CUL5: variants seen among roughly 807,000 people sequenced by gnomAD.
CUL5 encodes the protein cullin 5.
CUL5 carries 26 observed loss-of-function variants against 108.8 expected under a neutral mutation model. The ratio of observed to expected loss-of-function variants is 0.24; its 90% CI spans 0.18 to 0.33. The LOEUF is 0.33. Ranked by LOEUF, CUL5 falls within the 10% of genes least tolerant of loss-of-function variation. The pLI is 1.00. For synonymous variants in CUL5, 334 were observed against 298.0 expected (o/e 1.12, Z -1.25); for missense variants, 524 against 909.2 (o/e 0.58, Z 5.45).
intron 11 of CUL5, among the ~76,000 whole-genome samples, chr11:108,085,341 G>C (rs116378290): frequency 2.8e-4 from 42 of 152,096 alleles, no homozygotes; most frequent in African/African-American, 1.0e-3. Flanking sequence ...GACAAATTTT[G>C]CATGAATATG....
chr11:108,025,930 G>A (rs796689841), intron 1 of CUL5, among the ~76,000 whole-genome samples: 21 of 152,216 alleles, frequency 1.4e-4, no homozygotes, highest in African/African-American at 3.9e-4. Context: ...CATTTGTAGC[G>A]CTCACCTCAT....
intron 2 of CUL5, among the ~76,000 whole-genome samples, chr11:108,036,345 C>T (rs1862743108): frequency 6.6e-6 from 1 of 152,202 alleles, no homozygotes; most frequent in South Asian, 2.1e-4. Context: ...CTAACTCTTC[C>T]TGATTGGGAC....
intron 9 of CUL5, 71 bp downstream of exon 9, chr11:108,072,533 TAGTG>T (rs113786799): frequency 0.076 from 102,955 of 1,352,640 alleles, 4,369 homozygotes; most frequent in African/African-American, 0.096. Flanking sequence ...TTATTGAAAA[TAGTG>T]AGCGGTTACC....
chr11:108,041,958 G>A (rs1862928804), intron 2 of CUL5, among the ~76,000 whole-genome samples: 1 of 152,100 alleles, frequency 6.6e-6, no homozygotes, highest in South Asian at 2.1e-4. Flanking sequence ...CACATAGTAA[G>A]CAGTTAATAC....
chr11:108,054,094 C>T (rs2135138432), intron 5 of CUL5, among the ~76,000 whole-genome samples: 1 of 152,292 alleles, frequency 6.6e-6, no homozygotes, highest in Non-Finnish European at 1.5e-5. Context: ...AATCTGCCCA[C>T]CTTGGCCTCC....
chr11:108,091,015 C>A (rs1037073265), intron 13 of CUL5, among the ~76,000 whole-genome samples: 1 of 152,056 alleles, frequency 6.6e-6, no homozygotes, highest in Admixed American at 6.6e-5. Context: ...ATATTTACTA[C>A]GAGAAACCTT....
rs565322203 is a variant in CUL5 at position 108,013,506 on chromosome 11, T to A, written c.24+4134T>A. 2.0e-5 allele frequency among the ~76,000 whole-genome samples: 3 copies of A among 152,288 alleles called. No individual in the cohort carries two copies. The South Asian group carries it at 6.2e-4, about 32-fold the overall frequency. ...CTCTTGTCTCTCTCTCTCATACATG[T>A]GTGCGTACACACTCCTACTTAGCTG... On this transcript the variant is annotated intron_variant, in intron 1 of 18. Coordinates refer to ENST00000393094, the MANE Select transcript of CUL5 (RefSeq NM_003478.6).
At chr11:108,022,901 T>C (rs1158283847) in intron 1 of CUL5, among the ~76,000 whole-genome samples, 1 of 152,158 alleles carries the variant, frequency 6.6e-6, no homozygotes, top group Non-Finnish European at 1.5e-5. Context: ...TTATGGACTT[T>C]TTAGTTCTTT....
chr11:108,094,588 T>G, intron 14 of CUL5, 74 bp downstream of exon 14: 3 of 982,694 alleles, frequency 3.1e-6, no homozygotes, highest in Admixed American at 3.2e-5. Context: ...AAATTAAAAA[T>G]AAACCTCAGC....
At chr11:108,052,546 G>A in intron 4 of CUL5, 114 bp from the exon 5 acceptor site, 1 of 908,474 alleles carries the variant, frequency 1.1e-6, no homozygotes, top group East Asian at 2.6e-5. Flanking sequence ...ACAGGCGTGA[G>A]CCACTGCACC....
chr11:108,015,699 T>C (rs1432431886), intron 1 of CUL5, among the ~76,000 whole-genome samples: 1 of 152,218 alleles, frequency 6.6e-6, no homozygotes, highest in Non-Finnish European at 1.5e-5. Flanking sequence ...AACTTTGTGA[T>C]ACATGTAAAT....
intron 1 of CUL5, among the ~76,000 whole-genome samples, chr11:108,018,623 C>T (rs1249247700): frequency 4.0e-5 from 6 of 151,854 alleles, no homozygotes; most frequent in East Asian, 1.9e-4. Context: ...TGCAGGGAGC[C>T]GAGATCACGC....
At chr11:108,016,200 C>CA (rs1862183616) in intron 1 of CUL5, among the ~76,000 whole-genome samples, 1 of 152,098 alleles carries the variant, frequency 6.6e-6, no homozygotes, top group South Asian at 2.1e-4. Flanking sequence ...CAGGAATGAG[C>CA]AAAAGAGCTA....
Position 108,098,516 on chromosome 11 carries a change from T to C in CUL5, c.2135T>C (p.Ile712Thr). 1.9e-6 allele frequency: 3 copies of C among 1,568,636 alleles called. No homozygotes were observed. The highest frequency in any genetic ancestry group is 2.6e-6 in the Non-Finnish European group (3 of 1,159,932). Residue 712 changes from isoleucine to threonine, a missense_variant, in exon 18 of 19, where the codon ATA becomes ACA. Ile to Thr is a moderately conservative substitution (Grantham distance 89). Coordinates refer to ENST00000393094, the MANE Select transcript of CUL5 (RefSeq NM_003478.6). ...AATGAAGGAATAGTTCAACTACGAA[T>C]ACTAAGAACCCAGGTTTGTAATGTT... ...EENEGIVQLR[I>T]LRTQEAIIQI...
At position 108,042,848 on chromosome 11, in the gene CUL5, C is replaced by T. The variant is rs117373213; in HGVS notation, c.135-3422C>T. The stretch of plus-strand genomic sequence containing the variant: ...TGCAGTCTTCGCTCACTGCAACCTC[C>T]GCTTCCAGGGTTCAAGCGATTCCCT... On this transcript the variant is annotated intron_variant, in intron 2 of 18. Coordinates refer to ENST00000393094, the MANE Select transcript of CUL5 (RefSeq NM_003478.6). 1.1e-3 allele frequency among the ~76,000 whole-genome samples: 166 copies of T among 152,074 alleles called. No individual in the cohort carries two copies. In the East Asian group the frequency reaches 0.011, roughly 10 times the overall value.
intron 1 of CUL5, among the ~76,000 whole-genome samples, chr11:108,024,836 A>T (rs1862417608): frequency 6.6e-6 from 1 of 152,192 alleles, no homozygotes; most frequent in Non-Finnish European, 1.5e-5. Flanking sequence ...AGACAGTAGA[A>T]ATGAGAAATT....
chr11:108,054,052 G>A (rs945790817), intron 5 of CUL5, among the ~76,000 whole-genome samples: 1 of 152,024 alleles, frequency 6.6e-6, no homozygotes, highest in Non-Finnish European at 1.5e-5. Context: ...TGCCATAGTG[G>A]CCAGGCTGGT....
At chr11:108,102,629 C>A (rs1015991858) in intron 18 of CUL5, among the ~76,000 whole-genome samples, 1 of 152,182 alleles carries the variant, frequency 6.6e-6, no homozygotes, top group Non-Finnish European at 1.5e-5. Context: ...CCCTCCCTGG[C>A]TGGTTATCAT....
chr11:108,049,759 A>G, intron 3 of CUL5, 131 bp from the exon 4 acceptor site: 1 of 687,196 alleles, frequency 1.5e-6, no homozygotes, highest in Non-Finnish European at 2.4e-6. Context: ...AACATGTTTT[A>G]ATTTCTTTTG....
Sources: gnomAD v4.1 joint callset for allele counts (sites outside exome capture counted in the v4.1 genomes callset) on GRCh38, gnomAD v4.1.1 for gene constraint, MANE v1.5 for transcripts, NCBI Gene and HGNC (gene_info 2026-07-23, HGNC 2026-07-21) for gene names.